Variants in GSPT1 observed in about 807,000 individuals in gnomAD.
GSPT1 encodes the protein G1 to S phase transition 1, also known as eukaryotic peptide chain release factor GTP-binding subunit ERF3A.
In GSPT1, 20 loss-of-function variants were observed where a neutral mutation model predicts 72.5. The observed-to-expected ratio is 0.28, with a 90% CI of 0.19 to 0.40. The LOEUF is 0.40. Among genes scored for constraint, GSPT1 ranks in the 10% least tolerant of loss-of-function variants. GSPT1 has a pLI of 1.00. For missense variants in GSPT1, 580 were observed against 811.9 expected, an observed-to-expected ratio of 0.71 and a Z score of 3.47; for synonymous variants, 334 against 293.5, an observed-to-expected ratio of 1.14 and a Z score of -1.41.
chr16:11,914,345 G>T (rs1198753269), intron 1 of GSPT1, among the ~76,000 whole-genome samples: 1 of 152,110 alleles, frequency 6.6e-6, no homozygotes, highest in East Asian at 1.9e-4. Context: ...TTCACTCACC[G>T]GATATTCCTA....
intron 1 of GSPT1, among the ~76,000 whole-genome samples, chr16:11,901,884 T>C (rs1015648616): frequency 6.7e-6 from 1 of 148,346 alleles, no homozygotes; most frequent in Non-Finnish European, 1.5e-5. Flanking sequence ...TCACCTGAGG[T>C]CAGGAGTTTG....
chr16:11,899,980 G>A lies in GSPT1; in HGVS notation c.353-1945C>T, dbSNP rs375045581. Reference sequence around the variant, plus strand: ...TAGTGTCAGTTAAAGAACTCCTGGCGTATTCAACAAATGTGTCTCCATCTG... The same window carrying A: ...TAGTGTCAGTTAAAGAACTCCTGGCATATTCAACAAATGTGTCTCCATCTG... On this transcript the variant is annotated intron_variant, in intron 1 of 14. Transcript: ENST00000434724. 2.3e-4 allele frequency among the ~76,000 whole-genome samples: 35 copies of A among 152,216 alleles called. 3 individuals carry two copies. The South Asian group carries it at 5.8e-3, about 25-fold the overall frequency.
At chr16:11,887,412 T>C (rs560087391) in intron 7 of GSPT1, among the ~76,000 whole-genome samples, 158 bp downstream of exon 7, 70 of 152,154 alleles carry the variant, frequency 4.6e-4, no homozygotes, top group Non-Finnish European at 8.4e-4. Context: ...ATTTTGAAGA[T>C]TTCTTGAAGA....
intron 6 of GSPT1, among the ~76,000 whole-genome samples, chr16:11,889,914 T>A (rs2054236716): frequency 6.6e-6 from 1 of 152,022 alleles, no homozygotes. Context: ...GTGCTGAGAT[T>A]ACAGGCTTGA....
At chr16:11,916,355 G>A (rs562476768), upstream of GSPT1, among the ~76,000 whole-genome samples, 3 of 152,340 alleles carry the variant, frequency 2.0e-5, no homozygotes, top group East Asian at 3.9e-4. Context: ...CATAGGAGGG[G>A]TCCACTCTGG....
Position 11,885,279 on chromosome 16 carries a change from G to C in GSPT1, c.1254-5C>G, listed in dbSNP as rs754551071. ...TATGGAATAAACGGTAATCCACTGA[G>C]AACATAACAACAAAGCCATTAAAGG... On this transcript the variant is annotated splice_region_variant and splice_polypyrimidine_tract_variant and intron_variant, in intron 9 of 14. Coordinates refer to ENST00000434724, the MANE Select transcript of GSPT1 (RefSeq NM_002094.4). 7.0e-7 allele frequency: 1 copy of C among 1,424,646 alleles called. No individual in the cohort carries two copies. The highest frequency in any genetic ancestry group is 9.9e-7 in the Non-Finnish European group (1 of 1,008,348). 88.3% of individuals were successfully genotyped at this position (1,424,646 alleles called of 1,614,324 possible).
chr16:11,915,262 C>T (rs1394342958), intron 1 of GSPT1, 107 bp downstream of exon 1: 1 of 1,198,242 alleles, frequency 8.3e-7, no homozygotes, highest in Admixed American at 4.5e-5. Context: ...ACTGTCAGCG[C>T]CCCACGTGCC....
intron 1 of GSPT1, among the ~76,000 whole-genome samples, chr16:11,899,745 G>C (rs905750260): frequency 6.6e-6 from 1 of 152,168 alleles, no homozygotes; most frequent in Non-Finnish European, 1.5e-5. Context: ...AGGTAGTACT[G>C]AGAGTATCAA....
Position 11,891,127 on chromosome 16 carries a change from TC to T in GSPT1, c.710del (p.Gly237GlufsTer29). 2 of 1,472,478 alleles carry T rather than the reference TC, an allele frequency of 1.4e-6. No homozygotes were observed. Among genetic ancestry groups the T allele is most frequent in the Non-Finnish European group, 1.8e-6 (2 of 1,085,576 alleles). 91.2% of individuals were successfully genotyped at this position (1,472,478 alleles called of 1,614,324 possible). The part of the protein sequence containing the change: ...TIGGQIMYLT[G>X]MVDKRTLEKY... ...TTTCAAGCGTCCTTTTGTCAACCATTCCAGTCAAATACCTGAAAACATTTAA... is the reference window on the plus strand; with the variant it reads ...TTTCAAGCGTCCTTTTGTCAACCATTCAGTCAAATACCTGAAAACATTTAA... On this transcript the variant is annotated frameshift_variant, in exon 6 of 15. Transcript: ENST00000434724. LOFTEE classifies it high-confidence loss of function.
chr16:11,910,091 C>G (rs7204312), intron 1 of GSPT1, among the ~76,000 whole-genome samples: 13,554 of 151,978 alleles, frequency 0.089, 1,162 homozygotes, highest in African/African-American at 0.19. Context: ...AGTAAGATCC[C>G]GTCTCTAAAA....
Position 11,915,682 on chromosome 16 carries a change from G to C in GSPT1, c.39C>G (p.Gly13=), listed in dbSNP as rs1596480963. ...PGSGGGGGGG[G]GGGSSSGSSS... is the part of the protein sequence containing the mutation. ...TGCTGCCGCTGCTGCTCCCGCCGCC[G>C]CCGCCGCCGCCGCCGCCGCCGCCAC... Residue 13 remains glycine (G), a synonymous_variant, in exon 1 of 15, where the codon GGC becomes GGG. Coordinates refer to ENST00000434724, the MANE Select transcript of GSPT1 (RefSeq NM_002094.4). The C allele has an allele frequency of 1.5e-6, 2 of 1,317,480 alleles. No homozygotes were observed. Among genetic ancestry groups the C allele is most frequent in the African/African-American group, 3.1e-5 (2 of 65,494 alleles). The allele number at this position is 1,317,480 out of a possible 1,614,324, so 81.6% of individuals were successfully genotyped here.
At chr16:11,899,057 T>G (rs1426470505) in intron 1 of GSPT1, among the ~76,000 whole-genome samples, 2 of 152,172 alleles carry the variant, frequency 1.3e-5, no homozygotes, top group Non-Finnish European at 2.9e-5. Context: ...GTTTGTCAGA[T>G]ACAGACAAAC....
chr16:11,914,440 A>C (rs1475490358), intron 1 of GSPT1, among the ~76,000 whole-genome samples: 3 of 152,218 alleles, frequency 2.0e-5, no homozygotes, highest in Non-Finnish European at 4.4e-5. Flanking sequence ...AGTTAACTCG[A>C]AATTTTATGG....
chr16:11,904,179 A>G, intron 1 of GSPT1: 1 of 195,508 alleles, frequency 5.1e-6, no homozygotes, highest in Non-Finnish European at 1.2e-5. Context: ...CTCAACACCA[A>G]CATCATTCCT....
chr16:11,915,447 C>T lies in GSPT1; in HGVS notation c.274G>A (p.Gly92Ser). The change falls in exon 1 of 15, where the codon GGC becomes AGC. Residue 92 changes from glycine (G) to serine (S), a missense_variant. By Grantham distance (56) the Gly-to-Ser change is moderately conservative. This residue lies in a region of GSPT1 where 327 missense variants were observed against 298.8 expected (regional missense o/e 1.09). Coordinates refer to ENST00000434724, the MANE Select transcript of GSPT1 (RefSeq NM_002094.4). ...AAEFVPSFLR[G>S]PAAPPPPVGG... ...ACTGGGGGTGGCGGCGCTGCCGGGC[C>T]CCGCAGGAAGGACGGCACGAACTCG... is the stretch of plus-strand genomic sequence containing the variant. The T allele has an allele frequency of 6.5e-7, 1 of 1,535,814 alleles. No individual in the cohort carries two copies. The highest frequency in any genetic ancestry group is 8.7e-7 in the Non-Finnish European group (1 of 1,143,524).
At chr16:11,907,380 A>G (rs2150888929) in intron 1 of GSPT1, among the ~76,000 whole-genome samples, 1 of 152,314 alleles carries the variant, frequency 6.6e-6, no homozygotes, top group African/African-American at 2.4e-5. Context: ...CTGAGCCTTT[A>G]TTTTCTCATC....
intron 7 of GSPT1, 88 bp from the exon 8 acceptor site, chr16:11,887,019 G>C (rs1158348465): frequency 4.2e-6 from 3 of 721,370 alleles, no homozygotes; most frequent in Non-Finnish European, 6.1e-6. Flanking sequence ...GTTATATCAC[G>C]AGTTTTTTTT....
chr16:11,911,466 G>C (rs2054555224), intron 1 of GSPT1, among the ~76,000 whole-genome samples: 1 of 151,930 alleles, frequency 6.6e-6, no homozygotes, highest in South Asian at 2.1e-4. Flanking sequence ...GCTCACTGCA[G>C]CCTCCAGCTC....
In GSPT1 at chr16:11,873,222, A is replaced by G. The variant is rs927150418; in HGVS notation, c.1862-51T>C. ...TTTCAGTAGTTAACAGCAAGTCTAT[A>G]TAAGATATTAAAACTTATTATTTTA... On this transcript the variant is annotated intron_variant, in intron 14 of 14. Coordinates refer to ENST00000434724, the MANE Select transcript of GSPT1 (RefSeq NM_002094.4). The G allele has an allele frequency of 4.6e-6, 4 of 868,466 alleles. No homozygotes were observed. In the African/African-American group the frequency reaches 5.1e-5, roughly 11 times the overall value. 53.8% of individuals were successfully genotyped at this position (868,466 alleles called of 1,614,324 possible). A position where few individuals can be genotyped will look rare whatever the true frequency, so the allele number is the denominator to read the frequency against.
Sources: gnomAD v4.1 joint callset for allele counts (sites outside exome capture counted in the v4.1 genomes callset) on GRCh38, gnomAD v4.1.1 for gene constraint, gnomAD v4.1.1 regional missense constraint, MANE v1.5 for transcripts, NCBI Gene and HGNC (gene_info 2026-07-23, HGNC 2026-07-21) for gene names.